Variants in SGCZ observed in about 807,000 individuals in gnomAD.
SGCZ encodes zeta-sarcoglycan.
SGCZ carries 40 observed loss-of-function variants against 41.3 expected under a neutral mutation model. That is an observed-to-expected ratio of 0.97 (90% CI 0.75 to 1.26). The LOEUF (loss-of-function observed/expected upper bound fraction) is 1.26, where lower values mean the gene tolerates loss of function less well. Ranked by LOEUF, SGCZ falls within the 50% of genes most tolerant of loss-of-function variation. The pLI, the probability that SGCZ is intolerant of heterozygous loss-of-function variation, is 0.00. For missense variants in SGCZ, 552 were observed against 369.8 expected (o/e 1.49, Z -4.04); for synonymous variants, 206 against 137.5 (o/e 1.50, Z -3.49).
At chr8:14,501,611 G>GT (rs34304255) in intron 2 of SGCZ, among the ~76,000 whole-genome samples, 74,373 of 143,620 alleles carry the variant, frequency 0.52, 19,182 homozygotes, top group East Asian at 0.74. Context: ...AGTTATCCAG[G>GT]TTTTTTTTTT....
intron 3 of SGCZ, among the ~76,000 whole-genome samples, chr8:14,315,094 T>G (rs1451990139): frequency 6.6e-6 from 1 of 152,090 alleles, no homozygotes; most frequent in Admixed American, 6.6e-5. Flanking sequence ...ATGAGGTGTA[T>G]AGAGGAAGAA....
chr8:14,454,941 G>A (rs2116935443), intron 2 of SGCZ, among the ~76,000 whole-genome samples: 1 of 152,260 alleles, frequency 6.6e-6, no homozygotes, highest in Admixed American at 6.5e-5. Context: ...GAAGAGATGG[G>A]TAGATTTGTC....
chr8:15,185,938 C>A (rs1800317477), intron 1 of SGCZ, among the ~76,000 whole-genome samples: 2 of 151,738 alleles, frequency 1.3e-5, no homozygotes, highest in Admixed American at 6.6e-5. Context: ...AAGTTAATTT[C>A]TCTCGGCTGG....
chr8:14,996,277 A>C (rs1802215127), intron 1 of SGCZ, among the ~76,000 whole-genome samples: 1 of 152,202 alleles, frequency 6.6e-6, no homozygotes, highest in South Asian at 2.1e-4. Flanking sequence ...TCTGAACCGC[A>C]TGAAACCATT....
At chr8:14,837,386 C>T (rs1201155406) in intron 1 of SGCZ, among the ~76,000 whole-genome samples, 1 of 152,172 alleles carries the variant, frequency 6.6e-6, no homozygotes, top group Non-Finnish European at 1.5e-5. Flanking sequence ...TCCAAGGAAT[C>T]GTATAATTAA....
intron 5 of SGCZ, among the ~76,000 whole-genome samples, chr8:14,136,985 C>A (rs1803219070): frequency 6.6e-6 from 1 of 152,168 alleles, no homozygotes; most frequent in Non-Finnish European, 1.5e-5. Context: ...TGTCGTTCTG[C>A]AATATTTGCT....
intron 1 of SGCZ, among the ~76,000 whole-genome samples, chr8:14,790,426 T>A (rs183326112): frequency 4.4e-4 from 67 of 152,264 alleles, no homozygotes; most frequent in African/African-American, 1.5e-3. Flanking sequence ...GTATTTCAGT[T>A]GGAATAAAAT....
rs142500421 is a variant in SGCZ at position 15,135,855 on chromosome 8, C to T, written c.39+101730G>A. ...AGCAGAGGGATTGCTCCTTGAGGAG[C>T]AGGGCTACCCCATCCATAAGCAGTA... On this transcript the variant is annotated intron_variant, in intron 1 of 7. Coordinates refer to ENST00000382080, the MANE Select transcript of SGCZ (RefSeq NM_139167.4). Among the ~76,000 whole-genome samples the T allele has an allele frequency of 5.5e-3, 844 of 152,282 alleles. 7 individuals are homozygous for T. The highest frequency in any genetic ancestry group is 8.4e-3 in the Admixed American group (128 of 15,300).
chr8:14,472,625 A>G (rs897042318), intron 2 of SGCZ, among the ~76,000 whole-genome samples: 17 of 152,098 alleles, frequency 1.1e-4, no homozygotes, highest in African/African-American at 4.1e-4. Context: ...ATGTTTTCCC[A>G]TATTGCAAGG....
At chr8:15,008,769 G>T (rs1259802803) in intron 1 of SGCZ, among the ~76,000 whole-genome samples, 1 of 50,122 alleles carries the variant, frequency 2.0e-5, no homozygotes, top group Admixed American at 2.4e-4. Context: ...GGGAGGGACG[G>T]AGGGAGGGGA....
chr8:14,103,667 C>G (rs1802106765), intron 6 of SGCZ, among the ~76,000 whole-genome samples: 2 of 151,726 alleles, frequency 1.3e-5, no homozygotes. Context: ...TTTTCACTCA[C>G]CAAAGCAACT....
At chr8:14,797,707 C>G (rs1464681486) in intron 1 of SGCZ, among the ~76,000 whole-genome samples, 1 of 152,170 alleles carries the variant, frequency 6.6e-6, no homozygotes, top group Non-Finnish European at 1.5e-5. Flanking sequence ...TGTGGCAGCC[C>G]CTCCCATCAC....
chr8:15,057,882 G>C (rs1443807790), intron 1 of SGCZ, among the ~76,000 whole-genome samples: 1 of 151,972 alleles, frequency 6.6e-6, no homozygotes, highest in Admixed American at 6.6e-5. Context: ...CCACTTGTGA[G>C]TTTTGTGAAT....
At chr8:14,137,044 G>T (rs1006926625) in intron 5 of SGCZ, among the ~76,000 whole-genome samples, 1 of 152,164 alleles carries the variant, frequency 6.6e-6, no homozygotes, top group Non-Finnish European at 1.5e-5. Flanking sequence ...GACTGGGGTG[G>T]ACCTCCACTA....
intron 1 of SGCZ, among the ~76,000 whole-genome samples, chr8:15,219,022 A>G (rs746280168): frequency 2.0e-5 from 3 of 152,182 alleles, no homozygotes; most frequent in African/African-American, 4.8e-5. Flanking sequence ...TTCTCCTCCA[A>G]CAAACACGCT....
At chr8:14,708,131 A>C (rs927183107) in intron 1 of SGCZ, among the ~76,000 whole-genome samples, 1 of 151,934 alleles carries the variant, frequency 6.6e-6, no homozygotes, top group Non-Finnish European at 1.5e-5. Context: ...TTTAATTTAA[A>C]TTTTAATTAA....
At chr8:14,529,831 T>A (rs986045583) in intron 2 of SGCZ, among the ~76,000 whole-genome samples, 6 of 152,084 alleles carry the variant, frequency 3.9e-5, no homozygotes, top group Non-Finnish European at 8.8e-5. Context: ...TCATCTTTAT[T>A]GTAAAGATAA....
intron 1 of SGCZ, among the ~76,000 whole-genome samples, chr8:14,630,227 T>A (rs1806600129): frequency 7.2e-6 from 1 of 139,582 alleles, no homozygotes; most frequent in Admixed American, 7.2e-5. Flanking sequence ...ATTTTTCACA[T>A]GTGTTTTGAT....
At chr8:15,180,685 A>C (rs1472418030) in intron 1 of SGCZ, among the ~76,000 whole-genome samples, 1 of 152,094 alleles carries the variant, frequency 6.6e-6, no homozygotes, top group Non-Finnish European at 1.5e-5. Context: ...AGAGTTCAAG[A>C]CCATCCTGGC....
Sources: allele counts gnomAD v4.1 joint callset (sites outside exome capture counted in the v4.1 genomes callset), GRCh38; gene constraint gnomAD v4.1.1; transcripts MANE v1.5; gene names NCBI Gene and HGNC (gene_info 2026-07-23, HGNC 2026-07-21).